CTNNA1: variants seen among roughly 807,000 people sequenced by gnomAD.
The protein encoded by CTNNA1 is catenin alpha-1.
Under a neutral mutation model 98.4 loss-of-function variants are expected in CTNNA1, and 37 were observed. That is an observed-to-expected ratio of 0.38 (90% CI 0.29 to 0.49). The LOEUF is 0.49. Among genes scored for constraint, CTNNA1 ranks in the 20% least tolerant of loss-of-function variants. CTNNA1 has a pLI of 0.95. For synonymous variants in CTNNA1, 404 were observed against 413.2 expected, an observed-to-expected ratio of 0.98 and a Z score of 0.27; for missense variants, 761 against 1,147.2, an observed-to-expected ratio of 0.66 and a Z score of 4.86.
intron 1 of CTNNA1, among the ~76,000 whole-genome samples, chr5:138,777,741 A>G (rs930270410): frequency 2.3e-4 from 34 of 150,994 alleles, no homozygotes; most frequent in South Asian, 4.2e-4. Flanking sequence ...GCCTGCAATC[A>G]CAGGCACTCG....
chr5:138,841,761 T>G (rs1762291172), intron 7 of CTNNA1, among the ~76,000 whole-genome samples: 1 of 152,232 alleles, frequency 6.6e-6, no homozygotes, highest in South Asian at 2.1e-4. Context: ...TCAGATGTTT[T>G]GAAATGATTG....
chr5:138,753,785 T>C (rs985941026), intron 1 of CTNNA1: 9 of 267,460 alleles, frequency 3.4e-5, no homozygotes, highest in Non-Finnish European at 6.3e-5. Flanking sequence ...CCGCCTGGGC[T>C]GGGGAGGAGA....
intron 1 of CTNNA1, among the ~76,000 whole-genome samples, chr5:138,756,732 A>C (rs1751692183): frequency 1.3e-5 from 2 of 152,338 alleles, no homozygotes; most frequent in African/African-American, 2.4e-5. Context: ...AGGTGTAAGA[A>C]GCCATTGTAG....
chr5:138,764,800 C>A (rs544029237), intron 1 of CTNNA1, among the ~76,000 whole-genome samples: 1 of 150,760 alleles, frequency 6.6e-6, no homozygotes, highest in East Asian at 2.0e-4. Flanking sequence ...TCTTTAAGAC[C>A]AGTGAAAGAT....
intron 1 of CTNNA1, among the ~76,000 whole-genome samples, chr5:138,759,980 C>CTTCTTTTTTTTT (rs1752136893): frequency 1.1e-4 from 7 of 61,234 alleles, no homozygotes; most frequent in African/African-American, 4.7e-4. Flanking sequence ...AATTTCTTTC[C>CTTCTTTTTTTTT]TTTTTTTTTT....
intron 1 of CTNNA1, among the ~76,000 whole-genome samples, chr5:138,764,214 T>G (rs1000632964): frequency 3.4e-5 from 5 of 148,806 alleles, no homozygotes; most frequent in African/African-American, 1.2e-4. Context: ...AACAAAAAAA[T>G]AATTAGCCGG....
At position 138,887,621 on chromosome 5, in the gene CTNNA1, A is replaced by G. The variant is rs1461804877; in HGVS notation, c.1275A>G (p.Glu425=). The part of the protein sequence containing the change: ...EVKEYAQVFR[E]HANKLIEVAN... ...AGGAGTATGCCCAAGTTTTCCGTGA[A>G]CATGCCAACAAATTGATTGAGGTAA... Residue 425 remains glutamate (E), a synonymous_variant, in exon 9 of 18, where the codon GAA becomes GAG. Transcript: ENST00000302763. The G allele has an allele frequency of 1.2e-6, 2 of 1,611,008 alleles. No homozygotes were observed. Among genetic ancestry groups the G allele is most frequent in the Admixed American group, 1.7e-5 (1 of 59,262 alleles).
intron 7 of CTNNA1, among the ~76,000 whole-genome samples, chr5:138,877,832 C>T (rs1751996501): frequency 6.6e-6 from 1 of 152,166 alleles, no homozygotes; most frequent in African/African-American, 2.4e-5. Context: ...AAACCCTTTG[C>T]CACGCAGGAG....
At chr5:138,794,081 A>C (rs1311912875) in intron 3 of CTNNA1, among the ~76,000 whole-genome samples, 1 of 148,570 alleles carries the variant, frequency 6.7e-6, no homozygotes, top group Admixed American at 6.8e-5. Flanking sequence ...GCAGTGGTGC[A>C]ATCTCGGCTC....
At chr5:138,763,464 T>C (rs1011961864) in intron 1 of CTNNA1, among the ~76,000 whole-genome samples, 7 of 152,202 alleles carry the variant, frequency 4.6e-5, no homozygotes, top group Non-Finnish European at 8.8e-5. Context: ...CACCTCAGCC[T>C]TCTGAATAGC....
chr5:138,932,977 C>A (rs1237917654), intron 17 of CTNNA1: 1 of 766,800 alleles, frequency 1.3e-6, no homozygotes. Flanking sequence ...TTTTAAAAAT[C>A]TTCCTTGGGA....
intron 1 of CTNNA1, among the ~76,000 whole-genome samples, chr5:138,776,545 C>G (rs1754208263): frequency 6.6e-6 from 1 of 152,230 alleles, no homozygotes; most frequent in African/African-American, 2.4e-5. Flanking sequence ...GGCCCGTTCT[C>G]AATGAGCTGC....
intron 7 of CTNNA1, among the ~76,000 whole-genome samples, chr5:138,878,440 T>G (rs943401582): frequency 3.3e-5 from 5 of 152,252 alleles, no homozygotes; most frequent in African/African-American, 1.2e-4. Context: ...AACATATGAC[T>G]TTGACTTAAA....
At position 138,907,965 on chromosome 5, in the gene CTNNA1, C is replaced by A. The variant is rs75477538; in HGVS notation, c.1389+3524C>A. Among the ~76,000 whole-genome samples, 28 of 150,740 alleles carry A rather than the reference C, an allele frequency of 1.9e-4. 1 individual carries two copies. Among genetic ancestry groups the A allele is most frequent in the Admixed American group, 1.6e-3 (24 of 15,174 alleles). On this transcript the variant is annotated intron_variant, in intron 10 of 17. Transcript: ENST00000302763. ...AGTTTTCATCCCCATGCCCCCCATC[C>A]GCCCTTTTTTTTTTCTTCTTCTTCT...
chr5:138,845,939 T>C (rs565463546), intron 7 of CTNNA1, among the ~76,000 whole-genome samples: 86 of 151,662 alleles, frequency 5.7e-4, no homozygotes, highest in Non-Finnish European at 9.9e-4. Flanking sequence ...TGTTTTTTGT[T>C]TTTTTGAGAC....
chr5:138,785,111 G>C (rs1755531448), intron 3 of CTNNA1, among the ~76,000 whole-genome samples: 1 of 149,486 alleles, frequency 6.7e-6, no homozygotes, highest in South Asian at 2.1e-4. Context: ...GCCCAGGCTG[G>C]AGTGCAGTGG....
At chr5:138,931,388 G>T (rs1010510911) in intron 16 of CTNNA1, among the ~76,000 whole-genome samples, 1 of 152,178 alleles carries the variant, frequency 6.6e-6, no homozygotes, top group African/African-American at 2.4e-5. Context: ...ATTTCATTTG[G>T]TGTTTTAAGC....
chr5:138,838,122 A>G (rs569380867), intron 7 of CTNNA1, among the ~76,000 whole-genome samples: 1 of 152,336 alleles, frequency 6.6e-6, no homozygotes, highest in East Asian at 1.9e-4. Flanking sequence ...GCTGGTCTCA[A>G]AGTCCTGATG....
At chr5:138,768,874 ATAAT>A (rs762151907) in intron 1 of CTNNA1, among the ~76,000 whole-genome samples, 1 of 152,090 alleles carries the variant, frequency 6.6e-6, no homozygotes, top group African/African-American at 2.4e-5. Context: ...TTTGGTCTTA[ATAAT>A]TAATTGCTAC....
Sources: allele counts gnomAD v4.1 joint callset (sites outside exome capture counted in the v4.1 genomes callset), GRCh38; gene constraint gnomAD v4.1.1; transcripts MANE v1.5; gene names NCBI Gene and HGNC (gene_info 2026-07-23, HGNC 2026-07-21).